The following KCTD20 variants were observed in gnomAD, a reference collection of about 807,000 sequenced individuals.
KCTD20 encodes potassium channel tetramerization domain containing 20.
KCTD20 carries 30 observed loss-of-function variants against 39.6 expected under a neutral mutation model. The observed-to-expected ratio is 0.76, with a 90% confidence interval of 0.57 to 1.03. The LOEUF is 1.03. KCTD20 is among the 50% of genes least tolerant of loss of function. The pLI, the probability that KCTD20 is intolerant of heterozygous loss-of-function variation, is 0.00. For missense variants in KCTD20, 422 were observed against 522.0 expected (o/e 0.81, Z 1.87); for synonymous variants, 162 against 180.6 (o/e 0.90, Z 0.83).
At chr6:36,471,997 T>C (rs1160173352) in intron 2 of KCTD20, among the ~76,000 whole-genome samples, 5 of 152,052 alleles carry the variant, frequency 3.3e-5, no homozygotes, top group African/African-American at 9.7e-5. Context: ...TACAGGCACC[T>C]GCCACCATGC....
At chr6:36,470,822 C>A (rs1775889581) in intron 2 of KCTD20, among the ~76,000 whole-genome samples, 1 of 152,076 alleles carries the variant, frequency 6.6e-6, no homozygotes, top group Non-Finnish European at 1.5e-5. Flanking sequence ...GGCTGGCAAG[C>A]CTCACTTTCT....
At chr6:36,475,134 AT>A in intron 3 of KCTD20, 72 bp downstream of exon 3, 1 of 1,480,146 alleles carries the variant, frequency 6.8e-7, no homozygotes, top group Non-Finnish European at 9.2e-7. Flanking sequence ...TTTATCTTGC[AT>A]TAGATATAAC....
chr6:36,456,010 C>A (rs1248747048), intron 1 of KCTD20, among the ~76,000 whole-genome samples: 1 of 152,234 alleles, frequency 6.6e-6, no homozygotes, highest in Non-Finnish European at 1.5e-5. Flanking sequence ...TAGGAATTCA[C>A]TTCTTGAGTC....
At chr6:36,483,012 G>A (rs549038031) in intron 6 of KCTD20, among the ~76,000 whole-genome samples, 19 of 149,930 alleles carry the variant, frequency 1.3e-4, no homozygotes, top group Non-Finnish European at 1.9e-4. Context: ...AGCTACTCAG[G>A]AGGCTGAGAG....
Position 36,448,346 on chromosome 6 carries a change from A to G in KCTD20, c.-47+5235A>G, listed in dbSNP as rs867401018. ...AAATTATGGAGGAAAGTTACAATGA[A>G]TTATTGTTGCATAGATTATTGAAAG... On this transcript the variant is annotated intron_variant, in intron 1 of 7. Coordinates refer to ENST00000373731, the MANE Select transcript of KCTD20 (RefSeq NM_173562.5). 2.6e-4 allele frequency among the ~76,000 whole-genome samples: 39 copies of G among 152,192 alleles called. 1 individual carries two copies. The highest frequency in any genetic ancestry group is 9.2e-4 in the Admixed American group (14 of 15,278).
At chr6:36,470,574 G>T (rs1365706374) in intron 2 of KCTD20, among the ~76,000 whole-genome samples, 1 of 152,100 alleles carries the variant, frequency 6.6e-6, no homozygotes, top group Non-Finnish European at 1.5e-5. Flanking sequence ...GTCTTTCTGA[G>T]CCCTGCTTTT....
Position 36,458,495 on chromosome 6 carries a change from C to A in KCTD20, c.-46-11557C>A, listed in dbSNP as rs137858591. Reference sequence around the variant, plus strand: ...GGCAGAGGTTGCAGTGAGCCAAGAGCGTGCTACTGCACTCCACCCTGGGCA... The same window carrying A: ...GGCAGAGGTTGCAGTGAGCCAAGAGAGTGCTACTGCACTCCACCCTGGGCA... On this transcript the variant is annotated intron_variant, in intron 1 of 7. Transcript: ENST00000373731. Among the ~76,000 whole-genome samples, 937 of 143,346 alleles carry A rather than the reference C, an allele frequency of 6.5e-3. 9 individuals are homozygous for A. The highest frequency in any genetic ancestry group is 0.021 in the African/African-American group (820 of 38,600). The allele number at this position is 143,346 out of a possible 152,430, so 94.0% of individuals were successfully genotyped here. A position where few individuals can be genotyped will look rare whatever the true frequency, so the allele number is the denominator to read the frequency against.
In KCTD20 at chr6:36,459,273, T is replaced by C. The variant is rs183410961; in HGVS notation, c.-46-10779T>C. 4.0e-3 allele frequency among the ~76,000 whole-genome samples: 602 copies of C among 152,182 alleles called. 7 individuals carry two copies. The highest frequency in any genetic ancestry group is 0.014 in the African/African-American group (571 of 41,540). On this transcript the variant is annotated intron_variant, in intron 1 of 7. Coordinates refer to ENST00000373731, the MANE Select transcript of KCTD20 (RefSeq NM_173562.5). ...TTGTAGTGAGCTGAGATCATGCCAC[T>C]GCACTCCAGCCTGGGCAACAGAGCG... is the stretch of plus-strand genomic sequence containing the variant.
intron 1 of KCTD20, among the ~76,000 whole-genome samples, chr6:36,452,160 A>C (rs1387284484): frequency 1.3e-5 from 2 of 151,206 alleles, no homozygotes; most frequent in African/African-American, 4.8e-5. Flanking sequence ...ATGTTAAACC[A>C]ATCTTTGCCA....
At chr6:36,479,777 CGATTTTT>C in intron 5 of KCTD20, 66 bp downstream of exon 5, 2 of 674,230 alleles carry the variant, frequency 3.0e-6, no homozygotes, top group East Asian at 4.0e-5. Context: ...TGGAAGTCAC[CGATTTTT>C]TTTTTTTTTT....
chr6:36,483,051 A>G, intron 6 of KCTD20, among the ~76,000 whole-genome samples: 1 of 150,266 alleles, frequency 6.7e-6, no homozygotes, highest in East Asian at 2.0e-4. Flanking sequence ...CCCAGGAGGC[A>G]GACGTTGCAG....
chr6:36,475,295 A>C (rs1037345498), intron 3 of KCTD20, among the ~76,000 whole-genome samples: 4 of 151,958 alleles, frequency 2.6e-5, no homozygotes, highest in Non-Finnish European at 5.9e-5. Context: ...AAAATACAAA[A>C]ATTAGCTGGG....
rs765864863 is a variant in KCTD20, at chr6:36,481,739, T to C, written c.836T>C (p.Met279Thr). The C allele has an allele frequency of 6.2e-7, 1 of 1,614,102 alleles. No individual in the cohort carries two copies. Among genetic ancestry groups the C allele is most frequent in the Admixed American group, 1.7e-5 (1 of 60,012 alleles). The change falls in exon 6 of 8, where the codon ATG (methionine) becomes ACG (threonine). Residue 279 changes from methionine (M) to threonine (T), a missense_variant. Transcript: ENST00000373731. ...TGGGATGAAGACCACCCTCCACCAA[T>C]GGGGGAGGAATATTCCCAAAGTAGG... Reference protein sequence around the residue: ...VDWDEDHPPPMGEEYSQILYS... With the variant: ...VDWDEDHPPPTGEEYSQILYS...
rs970490319 is a variant in KCTD20, at chr6:36,488,711, C to T, written c.*1536C>T. The stretch of plus-strand genomic sequence containing the variant: ...GGATTTTTGGATTTGGGATGCTCAT[C>T]CTGTGTAGGAGAGGCTACTCGATTC... On this transcript the variant is annotated 3_prime_UTR_variant, in exon 8 of 8. Transcript: ENST00000373731. 7.2e-5 allele frequency: 11 copies of T among 152,146 alleles called. No homozygotes were observed. Among genetic ancestry groups the T allele is most frequent in the African/African-American group, 2.2e-4 (9 of 41,412 alleles). 9.4% of individuals were successfully genotyped at this position (152,146 alleles called of 1,614,324 possible).
At chr6:36,485,954 G>A (rs1011721925) in intron 7 of KCTD20, among the ~76,000 whole-genome samples, 1 of 151,968 alleles carries the variant, frequency 6.6e-6, no homozygotes, top group Non-Finnish European at 1.5e-5. Flanking sequence ...GCTTACACTG[G>A]AGTACAGTGA....
intron 2 of KCTD20, 70 bp from the exon 3 acceptor site, chr6:36,474,719 A>C: frequency 7.2e-7 from 1 of 1,390,396 alleles, no homozygotes; most frequent in East Asian, 2.4e-5. Flanking sequence ...GTTTTAAAGA[A>C]GACAGGGTTT....
intron 1 of KCTD20, among the ~76,000 whole-genome samples, chr6:36,449,851 C>T (rs1318679132): frequency 6.6e-6 from 1 of 152,098 alleles, no homozygotes; most frequent in Non-Finnish European, 1.5e-5. Flanking sequence ...CAGTTCAGCC[C>T]CGACAATCTG....
At chr6:36,453,359 T>G (rs2127431458) in intron 1 of KCTD20, among the ~76,000 whole-genome samples, 1 of 152,260 alleles carries the variant, frequency 6.6e-6, no homozygotes, top group Non-Finnish European at 1.5e-5. Flanking sequence ...TTTGGCTTTA[T>G]TGATTTTTCT....
At chr6:36,481,061 A>G (rs909999839) in intron 5 of KCTD20, among the ~76,000 whole-genome samples, 3 of 152,222 alleles carry the variant, frequency 2.0e-5, no homozygotes, top group Non-Finnish European at 1.5e-5. Context: ...ATAAATAACT[A>G]TTCTCTGAAT....
Sources: gnomAD v4.1 joint callset for allele counts (sites outside exome capture counted in the v4.1 genomes callset) on GRCh38, gnomAD v4.1.1 for gene constraint, MANE v1.5 for transcripts, NCBI Gene and HGNC (gene_info 2026-07-23, HGNC 2026-07-21) for gene names.